BRINP3: variants seen among roughly 807,000 people sequenced by gnomAD.
BRINP3 encodes BMP/retinoic acid inducible neural specific 3.
A neutral mutation model predicts 71.0 loss-of-function variants in BRINP3; 19 were observed. The observed-to-expected ratio is 0.27, with a 90% CI of 0.19 to 0.39. The LOEUF is 0.39. Among genes scored for constraint, BRINP3 ranks in the 10% least tolerant of loss-of-function variants. BRINP3 has a pLI of 1.00. For missense variants in BRINP3, 959 were observed against 940.8 expected, an observed-to-expected ratio of 1.02 and a Z score of -0.25; for synonymous variants, 380 against 337.7, an observed-to-expected ratio of 1.13 and a Z score of -1.37.
intron 7 of BRINP3, among the ~76,000 whole-genome samples, chr1:190,135,089 A>G (rs1654857601): frequency 6.6e-6 from 1 of 152,122 alleles, no homozygotes; most frequent in African/African-American, 2.4e-5. Flanking sequence ...TTTCTTGAAG[A>G]TAATCTTCCC....
intron 6 of BRINP3, among the ~76,000 whole-genome samples, chr1:190,198,378 A>G (rs1654683897): frequency 6.6e-6 from 1 of 152,090 alleles, no homozygotes; most frequent in Non-Finnish European, 1.5e-5. Flanking sequence ...GAAGATGGGT[A>G]TTTTCTTTTC....
chr1:190,190,116 C>A (rs1653903172), intron 6 of BRINP3, among the ~76,000 whole-genome samples: 1 of 152,126 alleles, frequency 6.6e-6, no homozygotes, highest in Non-Finnish European at 1.5e-5. Flanking sequence ...ATTCACCAAG[C>A]AAGCCTTCAT....
At chr1:190,163,143 T>A (rs1558024102) in intron 6 of BRINP3, among the ~76,000 whole-genome samples, 1 of 152,048 alleles carries the variant, frequency 6.6e-6, no homozygotes, top group African/African-American at 2.4e-5. Context: ...AATACAGAAA[T>A]AAAATTTGAA....
At chr1:190,110,342 A>C (rs754006322) in intron 7 of BRINP3, among the ~76,000 whole-genome samples, 12 of 152,184 alleles carry the variant, frequency 7.9e-5, no homozygotes, top group Non-Finnish European at 1.6e-4. Context: ...TGTGAAAAAA[A>C]ATTGAGAAAA....
chr1:190,316,580 A>G (rs1665897360), intron 2 of BRINP3, among the ~76,000 whole-genome samples: 1 of 152,144 alleles, frequency 6.6e-6, no homozygotes, highest in Admixed American at 6.6e-5. Flanking sequence ...AAATCTCTCT[A>G]AAACTCTCAA....
rs186567170 is a variant in BRINP3 at position 190,133,697 on chromosome 1, T to C, written c.1184+26971A>G. ...TAATACACTTAATACAAATTGAATATGCATACTTGTACATCATTACATGTT... is the reference window on the plus strand; with the variant it reads ...TAATACACTTAATACAAATTGAATACGCATACTTGTACATCATTACATGTT... On this transcript the variant is annotated intron_variant, in intron 7 of 7. Coordinates refer to ENST00000367462, the MANE Select transcript of BRINP3 (RefSeq NM_199051.3). 2.5e-3 allele frequency among the ~76,000 whole-genome samples: 373 copies of C among 152,216 alleles called. 2 individuals carry two copies. The highest frequency in any genetic ancestry group is 8.3e-3 in the African/African-American group (346 of 41,560).
At chr1:190,142,715 A>G (rs1655557223) in intron 7 of BRINP3, among the ~76,000 whole-genome samples, 1 of 152,104 alleles carries the variant, frequency 6.6e-6, no homozygotes, top group African/African-American at 2.4e-5. Flanking sequence ...TATACTTGAA[A>G]AAATACAACT....
intron 2 of BRINP3, among the ~76,000 whole-genome samples, chr1:190,416,180 A>G (rs946195656): frequency 1.3e-5 from 2 of 152,168 alleles, no homozygotes; most frequent in African/African-American, 2.4e-5. Context: ...GGTTCATGTC[A>G]TTAAATTATT....
At chr1:190,386,250 TA>T (rs67379753) in intron 2 of BRINP3, among the ~76,000 whole-genome samples, 85,935 of 148,150 alleles carry the variant, frequency 0.58, 25,178 homozygotes, top group Middle Eastern at 0.65. Flanking sequence ...AAAAAAAACT[TA>T]AAAAAAAAAT....
intron 6 of BRINP3, among the ~76,000 whole-genome samples, chr1:190,207,424 T>A (rs1273062276): frequency 2.6e-5 from 4 of 152,070 alleles, no homozygotes; most frequent in Admixed American, 6.6e-5. Context: ...AACTCCGAGA[T>A]CTTTACACTA....
chr1:190,281,776 A>G (rs769977934), intron 2 of BRINP3, 26 bp from the exon 3 acceptor site: 11 of 1,592,162 alleles, frequency 6.9e-6, no homozygotes, highest in Non-Finnish European at 9.4e-6. Flanking sequence ...ATTTTTATTC[A>G]TAAATGCATA....
At chr1:190,343,708 C>T (rs745723483) in intron 2 of BRINP3, among the ~76,000 whole-genome samples, 3 of 151,356 alleles carry the variant, frequency 2.0e-5, no homozygotes, top group African/African-American at 4.8e-5. Flanking sequence ...AGGGAGAGTA[C>T]GTCTTCTACC....
At chr1:190,236,954 T>C (rs527972028) in intron 4 of BRINP3, among the ~76,000 whole-genome samples, 2 of 152,028 alleles carry the variant, frequency 1.3e-5, no homozygotes, top group African/African-American at 4.8e-5. Flanking sequence ...CTCATTGACA[T>C]AGTGATCTTG....
At chr1:190,422,434 T>C (rs1215081095) in intron 2 of BRINP3, among the ~76,000 whole-genome samples, 1 of 151,850 alleles carries the variant, frequency 6.6e-6, no homozygotes, top group African/African-American at 2.4e-5. Flanking sequence ...TATTGGATTA[T>C]TTAAACTTTC....
chr1:190,290,915 G>A (rs533090529), intron 2 of BRINP3, among the ~76,000 whole-genome samples: 82 of 152,038 alleles, frequency 5.4e-4, no homozygotes, highest in African/African-American at 1.9e-3. Flanking sequence ...GTGCACGTGT[G>A]TGTGTGTGTA....
chr1:190,371,494 G>A (rs1669863757), intron 2 of BRINP3, among the ~76,000 whole-genome samples: 2 of 151,958 alleles, frequency 1.3e-5, no homozygotes, highest in South Asian at 4.2e-4. Context: ...ATATTTGTAG[G>A]TTTCTTTCTG....
At chr1:190,467,135 C>G (rs1048805896) in intron 1 of BRINP3, among the ~76,000 whole-genome samples, 1 of 151,338 alleles carries the variant, frequency 6.6e-6, no homozygotes, top group African/African-American at 2.4e-5. Flanking sequence ...ATTAGACAAC[C>G]CTCTTCTCTC....
chr1:190,307,526 G>A (rs139585287), intron 2 of BRINP3, among the ~76,000 whole-genome samples: 1,532 of 151,802 alleles, frequency 0.01, 23 homozygotes, highest in African/African-American at 0.034. Context: ...TTCCATTTGT[G>A]TACACAAATA....
rs929530728 is a variant in BRINP3 at position 190,420,074 on chromosome 1, T to A, written c.236+34581A>T. ...AAATAAGATTAAATAAGCAAACAGA[T>A]GGTTTTGCAGGTGGTCATGTCTTAA... On this transcript the variant is annotated intron_variant, in intron 2 of 7. Coordinates refer to ENST00000367462, the MANE Select transcript of BRINP3 (RefSeq NM_199051.3). Among the ~76,000 whole-genome samples the A allele has an allele frequency of 4.6e-5, 7 of 152,154 alleles. No homozygotes were observed. In the East Asian group the frequency reaches 1.2e-3, roughly 25 times the overall value.
Sources: gnomAD v4.1 joint callset for allele counts (sites outside exome capture counted in the v4.1 genomes callset) on GRCh38, gnomAD v4.1.1 for gene constraint, MANE v1.5 for transcripts, NCBI Gene and HGNC (gene_info 2026-07-23, HGNC 2026-07-21) for gene names.